ACOXL: variants seen among roughly 807,000 people sequenced by gnomAD.
The protein encoded by ACOXL is acyl-CoA oxidase like, also known as acyl-coenzyme A oxidase-like protein.
ACOXL carries 70 observed loss-of-function variants against 71.9 expected under a neutral mutation model. The ratio of observed to expected loss-of-function variants is 0.97; its 90% CI spans 0.80 to 1.19. The LOEUF (loss-of-function observed/expected upper bound fraction) is 1.19, where lower values mean the gene tolerates loss of function less well. Among genes scored for constraint, ACOXL ranks in the 50% most tolerant of loss-of-function variants. The probability of loss-of-function intolerance (pLI) is 0.00; values close to 1 mark genes in which losing one functional copy is unlikely to be tolerated. For synonymous variants in ACOXL, 253 were observed against 281.6 expected (o/e 0.90, Z 1.02); for missense variants, 703 against 736.3 (o/e 0.95, Z 0.52).
intron 10 of ACOXL, among the ~76,000 whole-genome samples, chr2:110,894,745 A>G (rs2058941125): frequency 6.6e-6 from 1 of 152,154 alleles, no homozygotes; most frequent in African/African-American, 2.4e-5. Context: ...TAGAACTGTC[A>G]CTGCTCTTCA....
At chr2:110,880,254 TC>T (rs1372237701) in intron 10 of ACOXL, among the ~76,000 whole-genome samples, 2 of 151,680 alleles carry the variant, frequency 1.3e-5, no homozygotes, top group African/African-American at 4.8e-5. Context: ...AAGAGTGCCC[TC>T]CCTGTCCCCT....
intron 9 of ACOXL, among the ~76,000 whole-genome samples, chr2:110,817,669 G>C (rs111918445): frequency 3.5e-4 from 54 of 152,284 alleles, no homozygotes; most frequent in African/African-American, 1.2e-3. Flanking sequence ...GGATATCCTA[G>C]GTCAGGTAGT....
intron 11 of ACOXL, among the ~76,000 whole-genome samples, chr2:110,928,241 T>C (rs151041255): frequency 3.0e-3 from 454 of 152,358 alleles, no homozygotes; most frequent in Non-Finnish European, 4.9e-3. Context: ...TACCAGGCAC[T>C]GTCCTAAGAT....
intron 10 of ACOXL, among the ~76,000 whole-genome samples, chr2:110,878,178 AG>A (rs1696167561): frequency 6.6e-6 from 1 of 152,236 alleles, no homozygotes; most frequent in Non-Finnish European, 1.5e-5. Flanking sequence ...AAGAAGCAAA[AG>A]AAGGTGTCAA....
chr2:110,928,352 G>A (rs1045506793), intron 11 of ACOXL, among the ~76,000 whole-genome samples: 2 of 152,172 alleles, frequency 1.3e-5, no homozygotes, highest in Non-Finnish European at 2.9e-5. Flanking sequence ...CTGAAATGAT[G>A]CCTTGCACAA....
At chr2:110,741,860 G>C (rs1459174800) in intron 1 of ACOXL, among the ~76,000 whole-genome samples, 1 of 152,222 alleles carries the variant, frequency 6.6e-6, no homozygotes, top group Non-Finnish European at 1.5e-5. Flanking sequence ...AATGGTGAGG[G>C]AGTTGGGGCA....
intron 12 of ACOXL, among the ~76,000 whole-genome samples, chr2:110,980,757 G>T (rs1307477350): frequency 6.6e-6 from 1 of 152,144 alleles, no homozygotes. Flanking sequence ...CCTTCCTGCC[G>T]TACACCCTGG....
intron 17 of ACOXL, among the ~76,000 whole-genome samples, chr2:111,094,994 A>C (rs1181944125): frequency 6.6e-6 from 1 of 152,176 alleles, no homozygotes; most frequent in Admixed American, 6.5e-5. Context: ...GCCAGCCTTC[A>C]TAAAGGACAG....
chr2:110,816,214 TGATGGATG>T (rs568333160), intron 9 of ACOXL, among the ~76,000 whole-genome samples: 6 of 150,846 alleles, frequency 4.0e-5, no homozygotes, highest in Non-Finnish European at 7.4e-5. Flanking sequence ...GATGGATAAA[TGATGGATG>T]GATGGATGGA....
At chr2:110,852,322 C>G (rs1418146100) in intron 10 of ACOXL, among the ~76,000 whole-genome samples, 4 of 152,098 alleles carry the variant, frequency 2.6e-5, no homozygotes, top group African/African-American at 7.2e-5. Flanking sequence ...AGAGGGACAC[C>G]GGGGAGCTCT....
chr2:110,753,270 T>C (rs2104824092), intron 1 of ACOXL, among the ~76,000 whole-genome samples: 1 of 152,344 alleles, frequency 6.6e-6, no homozygotes, highest in Non-Finnish European at 1.5e-5. Flanking sequence ...GAGCAAATGC[T>C]GATGCCATGC....
intron 7 of ACOXL, among the ~76,000 whole-genome samples, chr2:110,801,344 A>G (rs762373637): frequency 6.6e-6 from 1 of 152,126 alleles, no homozygotes; most frequent in Non-Finnish European, 1.5e-5. Flanking sequence ...TTTCTTAATC[A>G]CAGTCACTGC....
intron 15 of ACOXL, among the ~76,000 whole-genome samples, chr2:111,041,144 A>C (rs1320031701): frequency 6.6e-6 from 1 of 152,032 alleles, no homozygotes; most frequent in Non-Finnish European, 1.5e-5. Flanking sequence ...ACTGGGTCCA[A>C]CTCAGCTTGG....
chr2:110,973,434 T>G (rs1479232723), intron 12 of ACOXL, among the ~76,000 whole-genome samples: 1 of 152,130 alleles, frequency 6.6e-6, no homozygotes, highest in Non-Finnish European at 1.5e-5. Flanking sequence ...GGTTAGTGCC[T>G]TATCAAAGAG....
intron 9 of ACOXL, among the ~76,000 whole-genome samples, chr2:110,839,538 C>T (rs576916019): frequency 6.6e-6 from 1 of 152,132 alleles, no homozygotes; most frequent in East Asian, 1.9e-4. Flanking sequence ...GTGCAATCAA[C>T]CTGATTTTAT....
At chr2:110,922,493 A>G (rs1181880009) in intron 11 of ACOXL, among the ~76,000 whole-genome samples, 1 of 152,206 alleles carries the variant, frequency 6.6e-6, no homozygotes, top group Non-Finnish European at 1.5e-5. Context: ...CAAATTTGTG[A>G]CACAGAAGTT....
At chr2:110,926,643 G>A (rs923349430) in intron 11 of ACOXL, among the ~76,000 whole-genome samples, 4 of 152,136 alleles carry the variant, frequency 2.6e-5, no homozygotes, top group African/African-American at 7.2e-5. Context: ...GGGTCTGGAG[G>A]ATAATAAATG....
chr2:110,984,929 A>G (rs1405599824), intron 12 of ACOXL, among the ~76,000 whole-genome samples: 1 of 152,184 alleles, frequency 6.6e-6, no homozygotes, highest in East Asian at 1.9e-4. Context: ...GGAAGACAGC[A>G]AGCCAGTAAA....
intron 16 of ACOXL, among the ~76,000 whole-genome samples, chr2:111,058,467 A>T (rs757925983): frequency 2.0e-5 from 3 of 152,258 alleles, no homozygotes; most frequent in Non-Finnish European, 4.4e-5. Flanking sequence ...AGCAAAGCCT[A>T]GCAGTCACAC....
Sources: allele counts gnomAD v4.1 joint callset (sites outside exome capture counted in the v4.1 genomes callset), GRCh38; gene constraint gnomAD v4.1.1; transcripts MANE v1.5; gene names NCBI Gene and HGNC (gene_info 2026-07-23, HGNC 2026-07-21).